Variants in FAAH2 observed in about 807,000 individuals in gnomAD.
FAAH2 encodes fatty-acid amide hydrolase 2.
In FAAH2, 60 loss-of-function variants were observed where a neutral mutation model predicts 36.9. The ratio of observed to expected loss-of-function variants is 1.63; its 90% CI spans 1.32 to 2.02. The LOEUF (loss-of-function observed/expected upper bound fraction) is 2.02, where lower values mean the gene tolerates loss of function less well. FAAH2 is among the 30% of genes most tolerant of loss of function. FAAH2 has a pLI of 0.00. For synonymous variants in FAAH2, 214 were observed against 143.8 expected, an observed-to-expected ratio of 1.49 and a Z score of -3.49; for missense variants, 689 against 397.5, an observed-to-expected ratio of 1.73 and a Z score of -6.23.
chrX:57,189,076 G>C, the FAAH2 span, among the ~76,000 whole-genome samples: 1 of 110,778 alleles, frequency 9.0e-6, no homozygotes, highest in East Asian at 2.9e-4. Context: ...TGAAGTCTTG[G>C]TTCTTTCCTT....
At chrX:57,419,660 T>C (rs947508736) in intron 7 of FAAH2, among the ~76,000 whole-genome samples, 2 of 111,666 alleles carry the variant, frequency 1.8e-5, no homozygotes, top group Non-Finnish European at 3.8e-5. Context: ...TTCTCCCAAT[T>C]TGTAGGTTGC....
chrX:57,353,230 T>A (rs1428669062), intron 5 of FAAH2, among the ~76,000 whole-genome samples: 1 of 109,653 alleles, frequency 9.1e-6, no homozygotes, highest in East Asian at 2.8e-4. Context: ...AACAACATGG[T>A]TCTGGTAAAA....
chrX:57,243,747 C>A, the FAAH2 span, among the ~76,000 whole-genome samples: 465 of 111,168 alleles, frequency 4.2e-3, 3 homozygotes, highest in African/African-American at 0.015. Context: ...CAAAGGTCAC[C>A]AACATCAAAG....
the FAAH2 span, among the ~76,000 whole-genome samples, chrX:57,231,866 A>T: frequency 9.0e-6 from 1 of 111,724 alleles, no homozygotes; most frequent in Non-Finnish European, 1.9e-5. Flanking sequence ...TAGAGGTTGT[A>T]GGTTAAAACA....
the FAAH2 span, among the ~76,000 whole-genome samples, chrX:57,219,963 A>C: frequency 9.6e-6 from 1 of 104,075 alleles, no homozygotes; most frequent in African/African-American, 3.7e-5. Context: ...CAACTTTGCA[A>C]TTCTAACTTA....
chrX:57,274,241 C>T, the FAAH2 span, among the ~76,000 whole-genome samples: 1 of 111,925 alleles, frequency 8.9e-6, no homozygotes, highest in East Asian at 2.8e-4. Flanking sequence ...AGACCAATAA[C>T]AAGTTCTGAA....
At chrX:57,242,862 A>G in the FAAH2 span, among the ~76,000 whole-genome samples, 1 of 112,142 alleles carries the variant, frequency 8.9e-6, no homozygotes, top group Non-Finnish European at 1.9e-5. Flanking sequence ...TAGCAGCAGG[A>G]GTTTCTTTTC....
intron 7 of FAAH2, among the ~76,000 whole-genome samples, chrX:57,411,501 T>C (rs2055699967): frequency 9.0e-6 from 1 of 111,511 alleles, no homozygotes; most frequent in Admixed American, 9.5e-5. Context: ...GACAATTTTC[T>C]TGGTGGAGTC....
intron 10 of FAAH2, among the ~76,000 whole-genome samples, chrX:57,468,002 C>G (rs933983295): frequency 8.9e-6 from 1 of 111,820 alleles, no homozygotes; most frequent in African/African-American, 3.3e-5. Flanking sequence ...TGGAGTGGAC[C>G]TCCAGCAAAC....
At chrX:57,468,267 GAGAAGAAGGCTTC>G (rs2057089334) in intron 10 of FAAH2, among the ~76,000 whole-genome samples, 1 of 112,085 alleles carries the variant, frequency 8.9e-6, no homozygotes, top group African/African-American at 3.2e-5. Context: ...GACGAGTTGA[GAGAAGAAGGCTTC>G]AGATGATCAA....
intron 5 of FAAH2, among the ~76,000 whole-genome samples, chrX:57,360,007 C>A (rs1261713415): frequency 1.9e-5 from 2 of 104,146 alleles, no homozygotes; most frequent in South Asian, 4.4e-4. Flanking sequence ...ATATATCATT[C>A]CAGTCCTTTC....
the FAAH2 span, among the ~76,000 whole-genome samples, chrX:57,274,434 C>T: frequency 8.9e-6 from 1 of 111,935 alleles, no homozygotes; most frequent in Admixed American, 9.5e-5. Flanking sequence ...ATATCAAAAC[C>T]TGGCAGAGAC....
intron 5 of FAAH2, among the ~76,000 whole-genome samples, chrX:57,369,306 C>A (rs1602427731): frequency 9.0e-6 from 1 of 111,245 alleles, no homozygotes; most frequent in South Asian, 3.8e-4. Flanking sequence ...GCACAGGAAG[C>A]TTATTTAACA....
the FAAH2 span, among the ~76,000 whole-genome samples, chrX:57,189,982 G>A: frequency 1.8e-5 from 2 of 112,207 alleles, no homozygotes; most frequent in African/African-American, 6.5e-5. Flanking sequence ...GAAAGTTTAA[G>A]TCTGCTGAAG....
intron 10 of FAAH2, among the ~76,000 whole-genome samples, chrX:57,482,811 A>AT (rs1448087802): frequency 1.5e-5 from 1 of 65,636 alleles, no homozygotes; most frequent in African/African-American, 5.8e-5. Context: ...GCAGGTTTTT[A>AT]TTTTTTAAAG....
chrX:57,344,902 A>C (rs772243159), intron 5 of FAAH2, among the ~76,000 whole-genome samples: 1 of 110,710 alleles, frequency 9.0e-6, no homozygotes, highest in African/African-American at 3.3e-5. Context: ...TTATTTGCTT[A>C]TGTTGAATTA....
intron 9 of FAAH2, 90 bp from the exon 10 acceptor site, chrX:57,448,434 C>T (rs2056724164): frequency 1.2e-6 from 1 of 828,015 alleles, no homozygotes; most frequent in South Asian, 2.8e-5. Context: ...CTATAATGAA[C>T]ATGTATTACT....
At chrX:57,237,852 C>A in the FAAH2 span, among the ~76,000 whole-genome samples, 1 of 111,070 alleles carries the variant, frequency 9.0e-6, no homozygotes, top group African/African-American at 3.3e-5. Flanking sequence ...CATGAACAGA[C>A]ACTTTTCAAA....
chrX:57,316,826 G>A lies in FAAH2; in HGVS notation c.412+6097G>A, dbSNP rs192255836. On this transcript the variant is annotated intron_variant, in intron 3 of 10. Coordinates refer to ENST00000374900, the MANE Select transcript of FAAH2 (RefSeq NM_174912.4). ...TATATTGACCCTGTCTCCCCCCACC[G>A]CCTCCAAAAAAACATGGTCAACTCC... Among the ~76,000 whole-genome samples the A allele has an allele frequency of 5.5e-3, 602 of 110,366 alleles. 4 individuals are homozygous for A. Among genetic ancestry groups the A allele is most frequent in the Non-Finnish European group, 8.4e-3 (442 of 52,533 alleles).
Sources: gnomAD v4.1 joint callset for allele counts (sites outside exome capture counted in the v4.1 genomes callset) on GRCh38, gnomAD v4.1.1 for gene constraint, MANE v1.5 for transcripts, NCBI Gene and HGNC (gene_info 2026-07-23, HGNC 2026-07-21) for gene names.